The following CFAP47 variants were observed in gnomAD, a reference collection of about 807,000 sequenced individuals.
CFAP47 encodes cilia- and flagella-associated protein 47.
A neutral mutation model predicts 148.1 loss-of-function variants in CFAP47; 29 were observed. That is an observed-to-expected ratio of 0.20 (90% CI 0.15 to 0.27). The LOEUF is 0.27. CFAP47 is among the 10% of genes least tolerant of loss of function. The pLI is 1.00. For missense variants in CFAP47, 1,872 were observed against 1,697.5 expected, an observed-to-expected ratio of 1.10 and a Z score of -1.81; for synonymous variants, 664 against 577.3, an observed-to-expected ratio of 1.15 and a Z score of -2.15.
At chrX:36,103,517 A>C (rs886988386) in intron 32 of CFAP47, among the ~76,000 whole-genome samples, 9 of 102,568 alleles carry the variant, frequency 8.8e-5, no homozygotes, top group South Asian at 4.6e-4. Context: ...AAAAAAAAAA[A>C]AAAAAAAAAA....
intron 45 of CFAP47, among the ~76,000 whole-genome samples, chrX:36,219,990 G>A (rs1250697801): frequency 3.6e-5 from 4 of 111,043 alleles, no homozygotes. Flanking sequence ...AGATTTTCAG[G>A]GTTCACATTA....
At chrX:35,927,291 G>C (rs1259038899) in intron 2 of CFAP47, among the ~76,000 whole-genome samples, 1 of 111,559 alleles carries the variant, frequency 9.0e-6, no homozygotes, top group African/African-American at 3.3e-5. Flanking sequence ...TCAAACAGTA[G>C]ACACATGGTA....
At chrX:36,364,544 G>A (rs1941855751) in intron 61 of CFAP47, among the ~76,000 whole-genome samples, 1 of 109,972 alleles carries the variant, frequency 9.1e-6, no homozygotes, top group African/African-American at 3.3e-5. Context: ...TCCATGAAAT[G>A]ATGTCTAAGC....
At chrX:36,039,220 C>A (rs1374642019) in intron 25 of CFAP47, 41 bp downstream of exon 25, 12 of 703,451 alleles carry the variant, frequency 1.7e-5, no homozygotes, top group Non-Finnish European at 2.0e-5. Context: ...TCTTTATGTG[C>A]TTTTTTGTTT....
At chrX:35,975,385 C>A in intron 14 of CFAP47, 22 bp downstream of exon 14, 1 of 989,948 alleles carries the variant, frequency 1.0e-6, no homozygotes, top group Non-Finnish European at 1.4e-6. Context: ...TTTTGAATTT[C>A]TGCTTGTTAG....
chrX:36,110,649 C>T (rs1224193399), intron 33 of CFAP47, among the ~76,000 whole-genome samples: 1 of 111,619 alleles, frequency 9.0e-6, no homozygotes, highest in Non-Finnish European at 1.9e-5. Context: ...GTGAAGAATG[C>T]CATTGGTAGT....
At chrX:36,167,429 A>C (rs1939505591) in intron 39 of CFAP47, among the ~76,000 whole-genome samples, 1 of 111,433 alleles carries the variant, frequency 9.0e-6, no homozygotes, top group African/African-American at 3.3e-5. Flanking sequence ...AAATAGCCTC[A>C]GGATTTTTTG....
chrX:36,271,801 C>T (rs782744908), intron 49 of CFAP47, among the ~76,000 whole-genome samples: 6 of 110,918 alleles, frequency 5.4e-5, no homozygotes, highest in East Asian at 2.8e-4. Context: ...GAAGCTTTAG[C>T]GGAAAAAATG....
chrX:35,977,173 G>C (rs1457009955), intron 15 of CFAP47, among the ~76,000 whole-genome samples: 2 of 111,710 alleles, frequency 1.8e-5, no homozygotes, highest in African/African-American at 6.5e-5. Flanking sequence ...TGACCCATTT[G>C]GTGCTTTATA....
At chrX:36,257,217 G>A (rs1316184117) in intron 49 of CFAP47, among the ~76,000 whole-genome samples, 3 of 111,403 alleles carry the variant, frequency 2.7e-5, no homozygotes, top group East Asian at 5.7e-4. Flanking sequence ...GTAGAACTCA[G>A]TAATCGAGTA....
At chrX:36,375,286 C>A in intron 62 of CFAP47, 1 of 166,148 alleles carries the variant, frequency 6.0e-6, no homozygotes, top group Non-Finnish European at 1.1e-5. Context: ...TCCTATTTGA[C>A]CTATTGGTTG....
At chrX:36,252,575 C>T (rs1368832244) in intron 49 of CFAP47, among the ~76,000 whole-genome samples, 1 of 111,016 alleles carries the variant, frequency 9.0e-6, no homozygotes, top group East Asian at 2.8e-4. Flanking sequence ...ATTAATAAGT[C>T]CTCATTTGAT....
chrX:36,149,607 T>A (rs1337894742), intron 37 of CFAP47, among the ~76,000 whole-genome samples: 1 of 64,242 alleles, frequency 1.6e-5, no homozygotes, highest in Non-Finnish European at 2.6e-5. Flanking sequence ...TTTATTTATT[T>A]ATTTATTTTA....
intron 3 of CFAP47, among the ~76,000 whole-genome samples, chrX:35,943,910 A>T (rs762703966): frequency 9.0e-6 from 1 of 111,230 alleles, no homozygotes; most frequent in South Asian, 3.8e-4. Flanking sequence ...TAAGTACATC[A>T]TGGAGAATGT....
intron 2 of CFAP47, among the ~76,000 whole-genome samples, chrX:35,930,121 G>A (rs1935805030): frequency 8.9e-6 from 1 of 111,797 alleles, no homozygotes; most frequent in African/African-American, 3.2e-5. Flanking sequence ...ATTCTAAATT[G>A]CTAAGAGTTT....
intron 8 of CFAP47, among the ~76,000 whole-genome samples, chrX:35,961,380 G>A: frequency 9.0e-6 from 1 of 111,692 alleles, no homozygotes; most frequent in Non-Finnish European, 1.9e-5. Context: ...TTTTGTAAAT[G>A]CTTGTGAAGG....
Position 36,234,936 on chromosome X carries a change from C to T in CFAP47, c.7015-998C>T, listed in dbSNP as rs782386803. Among the ~76,000 whole-genome samples, 973 of 111,505 alleles carry T rather than the reference C, an allele frequency of 8.7e-3. 13 individuals carry two copies. The highest frequency in any genetic ancestry group is 0.03 in the African/African-American group (908 of 30,682). On this transcript the variant is annotated intron_variant, in intron 46 of 63. Transcript: ENST00000378653. ...CGGTGGCTGCAGAACAGTGGATTTT[C>T]GTGAACTGCGAATGCTGCTGTCTGA...
At chrX:36,165,116 A>T (rs1158330495) in intron 39 of CFAP47, among the ~76,000 whole-genome samples, 1 of 112,020 alleles carries the variant, frequency 8.9e-6, no homozygotes, top group Non-Finnish European at 1.9e-5. Flanking sequence ...GTTGTTACAG[A>T]TGCAAGACTT....
chrX:36,101,262 G>A (rs1329972393), intron 32 of CFAP47, among the ~76,000 whole-genome samples: 1 of 111,863 alleles, frequency 8.9e-6, no homozygotes, highest in Non-Finnish European at 1.9e-5. Flanking sequence ...ATTTTACACA[G>A]CAACATGTTA....
Sources: gnomAD v4.1 joint callset for allele counts (sites outside exome capture counted in the v4.1 genomes callset) on GRCh38, gnomAD v4.1.1 for gene constraint, MANE v1.5 for transcripts, NCBI Gene and HGNC (gene_info 2026-07-23, HGNC 2026-07-21) for gene names.